FRMD4B: variants seen among roughly 807,000 people sequenced by gnomAD.
The protein encoded by FRMD4B is FERM domain-containing protein 4B.
In FRMD4B, 74 loss-of-function variants were observed where a neutral mutation model predicts 141.5. The ratio of observed to expected loss-of-function variants is 0.52; its 90% CI spans 0.43 to 0.63. The LOEUF (loss-of-function observed/expected upper bound fraction) is 0.63, where lower values mean the gene tolerates loss of function less well. FRMD4B is among the 30% of genes least tolerant of loss of function. FRMD4B has a pLI of 0.00. For synonymous variants in FRMD4B, 506 were observed against 467.9 expected (o/e 1.08, Z -1.05); for missense variants, 1,366 against 1,253.4 (o/e 1.09, Z -1.36).
chr3:69,441,267 T>C (rs1473366752), intron 1 of FRMD4B, among the ~76,000 whole-genome samples: 1 of 152,220 alleles, frequency 6.6e-6, no homozygotes, highest in Admixed American at 6.5e-5. Context: ...TACTTTTTTT[T>C]CTAAGGTTAG....
chr3:69,196,495 T>A (rs976172308), intron 13 of FRMD4B, 99 bp from the exon 14 acceptor site: 70 of 948,666 alleles, frequency 7.4e-5, no homozygotes, highest in Non-Finnish European at 1.0e-4. Flanking sequence ...ACACAGAGGA[T>A]AATTTAGAAT....
chr3:69,349,609 C>T (rs1703066174), intron 1 of FRMD4B, among the ~76,000 whole-genome samples: 1 of 152,090 alleles, frequency 6.6e-6, no homozygotes, highest in African/African-American at 2.4e-5. Flanking sequence ...AAGCATGGTA[C>T]TGGTACCAAA....
intron 11 of FRMD4B, chr3:69,200,522 A>T: frequency 2.9e-6 from 3 of 1,050,122 alleles, no homozygotes; most frequent in Non-Finnish European, 3.5e-6. Context: ...ACTGAGTTTC[A>T]TAAGACACTT....
chr3:69,338,035 T>C (rs1296959510), intron 1 of FRMD4B, among the ~76,000 whole-genome samples: 4 of 152,218 alleles, frequency 2.6e-5, no homozygotes, highest in East Asian at 1.9e-4. Flanking sequence ...CTATTCACTA[T>C]AGCAAAGACT....
chr3:69,313,590 T>C, intron 1 of FRMD4B, 73 bp from the exon 2 acceptor site: 2 of 910,922 alleles, frequency 2.2e-6, no homozygotes, highest in Non-Finnish European at 3.5e-6. Context: ...CGTTGTATCA[T>C]TTATTTTATA....
chr3:69,341,562 C>G (rs978728776), intron 1 of FRMD4B, among the ~76,000 whole-genome samples: 2 of 152,100 alleles, frequency 1.3e-5, no homozygotes, highest in African/African-American at 4.8e-5. Flanking sequence ...TATGGGACAC[C>G]ACACTTCTGG....
At chr3:69,518,463 A>G (rs1278591604) in intron 1 of FRMD4B, among the ~76,000 whole-genome samples, 3 of 152,152 alleles carry the variant, frequency 2.0e-5, no homozygotes, top group Admixed American at 2.0e-4. Flanking sequence ...GTATACTGCC[A>G]ATTATAATAT....
intron 1 of FRMD4B, 90 bp from the exon 2 acceptor site, chr3:69,313,607 G>A: frequency 1.3e-6 from 1 of 772,374 alleles, no homozygotes; most frequent in Non-Finnish European, 2.2e-6. Flanking sequence ...TATATGAGAT[G>A]GGCTCAGCCT....
intron 1 of FRMD4B, among the ~76,000 whole-genome samples, chr3:69,358,743 A>G (rs568396352): frequency 6.6e-5 from 10 of 152,204 alleles, no homozygotes; most frequent in Non-Finnish European, 1.5e-4. Context: ...CTCAAAAACA[A>G]ACAAATAAAC....
Position 69,347,142 on chromosome 3 carries a change from C to T in FRMD4B, c.163-33625G>A, listed in dbSNP as rs114406437. On this transcript the variant is annotated intron_variant, in intron 1 of 22. Transcript: ENST00000398540. ...AAATAAAGAGATGAATGAAGGTCTACGAAGCAAATGGAAAACAAAAAAAGG... is the reference window on the plus strand; with the variant it reads ...AAATAAAGAGATGAATGAAGGTCTATGAAGCAAATGGAAAACAAAAAAAGG... 7.4e-3 allele frequency among the ~76,000 whole-genome samples: 1,124 copies of T among 151,958 alleles called. 11 individuals carry two copies. Among genetic ancestry groups the T allele is most frequent in the African/African-American group, 0.025 (1,049 of 41,406 alleles).
At chr3:69,347,542 C>T (rs1177168634) in intron 1 of FRMD4B, among the ~76,000 whole-genome samples, 2 of 152,184 alleles carry the variant, frequency 1.3e-5, no homozygotes, top group Non-Finnish European at 2.9e-5. Flanking sequence ...CTTCTCAGCA[C>T]CACATTGCAC....
intron 1 of FRMD4B, among the ~76,000 whole-genome samples, chr3:69,340,250 G>T (rs1384856539): frequency 6.6e-6 from 1 of 152,062 alleles, no homozygotes; most frequent in African/African-American, 2.4e-5. Context: ...GTGTACAGAT[G>T]ATTTTGTCAC....
At chr3:69,313,798 C>CT (rs1208244391) in intron 1 of FRMD4B, among the ~76,000 whole-genome samples, 1 of 152,096 alleles carries the variant, frequency 6.6e-6, no homozygotes, top group African/African-American at 2.4e-5. Flanking sequence ...AAAAGTAGGT[C>CT]TCCATCCCAA....
At chr3:69,195,712 TAAGC>T (rs5849880) in intron 14 of FRMD4B, among the ~76,000 whole-genome samples, 147,304 of 151,960 alleles carry the variant, frequency 0.97, 71,562 homozygotes, top group East Asian at 1. Flanking sequence ...TTTTAAAAAG[TAAGC>T]AAGCAAGCAA....
chr3:69,477,553 C>A (rs916552588), intron 1 of FRMD4B, among the ~76,000 whole-genome samples: 1 of 151,742 alleles, frequency 6.6e-6, no homozygotes, highest in African/African-American at 2.4e-5. Context: ...AGGGATGAAG[C>A]CCACTTGATC....
Position 69,181,495 on chromosome 3 carries a change from G to T in FRMD4B, c.2255C>A (p.Thr752Asn). 3 of 1,613,838 alleles carry T rather than the reference G, an allele frequency of 1.9e-6. No individual in the cohort carries two copies. Among genetic ancestry groups the T allele is most frequent in the Non-Finnish European group, 2.5e-6 (3 of 1,179,748 alleles). Residue 752 changes from threonine (T) to asparagine (N), a missense_variant, in exon 21 of 23, where the codon ACC (threonine) becomes AAC (asparagine). Coordinates refer to ENST00000398540, the MANE Select transcript of FRMD4B (RefSeq NM_015123.3). ...CVTPVTGPYYTTQTLDTRTRG... is the reference protein window; with the variant it reads ...CVTPVTGPYYNTQTLDTRTRG... The stretch of plus-strand genomic sequence containing the variant: ...GGTGCGAGTGTCCAGGGTCTGGGTG[G>T]TGTAATAGGGGCCGGTAACTGGTGT...
intron 7 of FRMD4B, among the ~76,000 whole-genome samples, chr3:69,227,676 GAAAAGA>G (rs2093267874): frequency 7.1e-6 from 1 of 141,194 alleles, no homozygotes; most frequent in Non-Finnish European, 1.5e-5. Flanking sequence ...AAAAAAAAAA[GAAAAGA>G]AAAAGAAAGA....
chr3:69,455,490 C>G (rs78348819), intron 1 of FRMD4B, among the ~76,000 whole-genome samples: 11 of 152,250 alleles, frequency 7.2e-5, no homozygotes, highest in East Asian at 1.9e-4. Flanking sequence ...TAAGGCTCAC[C>G]GTGAAGGTCT....
intron 2 of FRMD4B, among the ~76,000 whole-genome samples, chr3:69,427,643 G>GTTTTTTTTTTTTTTTTTTTTTTTTTTTT (rs774316609): frequency 1.1e-4 from 4 of 36,238 alleles, no homozygotes; most frequent in Admixed American, 3.6e-4. Context: ...CTAGGTAAAT[G>GTTTTTTTTTTTTTTTTTTTTTTTTTTTT]TTTTTTTTTT....
Sources: allele counts gnomAD v4.1 joint callset (sites outside exome capture counted in the v4.1 genomes callset), GRCh38; gene constraint gnomAD v4.1.1; transcripts MANE v1.5; gene names NCBI Gene and HGNC (gene_info 2026-07-23, HGNC 2026-07-21).